GALNT10: variants seen among roughly 807,000 people sequenced by gnomAD.
GALNT10 encodes the protein GalNAc transferase 10.
A neutral mutation model predicts 75.0 loss-of-function variants in GALNT10; 41 were observed. The observed-to-expected ratio is 0.55, with a 90% confidence interval of 0.43 to 0.71. The LOEUF (loss-of-function observed/expected upper bound fraction) is 0.71. GALNT10 is among the 30% of genes least tolerant of loss of function. The pLI is 0.00. For missense variants in GALNT10, 727 were observed against 818.5 expected, an observed-to-expected ratio of 0.89 and a Z score of 1.36; for synonymous variants, 302 against 313.0, an observed-to-expected ratio of 0.96 and a Z score of 0.37.
chr5:154,417,544 G>A lies in GALNT10; in HGVS notation c.*572G>A, dbSNP rs183099425. 4.6e-4 allele frequency: 70 copies of A among 153,820 alleles called. No individual in the cohort carries two copies. Among genetic ancestry groups the A allele is most frequent in the African/African-American group, 1.7e-3 (70 of 41,558 alleles). 9.5% of individuals were successfully genotyped at this position (153,820 alleles called of 1,614,324 possible). A position where few individuals can be genotyped will look rare whatever the true frequency, so the allele number is the denominator to read the frequency against. ...CTCTGTCACAACCCCAGGTGATTTG[G>A]TCCGGTCAAAGGCCATACTTGGGGC... On this transcript the variant is annotated 3_prime_UTR_variant, in exon 12 of 12. Transcript: ENST00000297107.
chr5:154,412,696 C>T lies in GALNT10; in HGVS notation c.1387-193C>T, dbSNP rs1756423042. On this transcript the variant is annotated intron_variant, in intron 9 of 11. Transcript: ENST00000297107. This position sits in a 1 kb window ranked among gnomAD's most constrained non-coding sequence, Gnocchi z 4.2. The stretch of plus-strand genomic sequence containing the variant: ...ACTTACAGCAGTGCTTTAAGGATTA[C>T]ATTCTGTGGACTGAGTCTTCCTTCA... 3.5e-6 allele frequency: 2 copies of T among 574,692 alleles called. No individual in the cohort carries two copies. Among genetic ancestry groups the T allele is most frequent in the South Asian group, 3.7e-5 (2 of 54,232 alleles). 35.6% of individuals were successfully genotyped at this position (574,692 alleles called of 1,614,324 possible).
intron 3 of GALNT10, among the ~76,000 whole-genome samples, chr5:154,309,862 A>G (rs1230070014): frequency 6.6e-6 from 1 of 152,202 alleles, no homozygotes; most frequent in Non-Finnish European, 1.5e-5. Context: ...AAAAATGGAA[A>G]TAGTGACAAG....
At chr5:154,276,923 C>G (rs1251889033) in intron 1 of GALNT10, among the ~76,000 whole-genome samples, 1 of 152,110 alleles carries the variant, frequency 6.6e-6, no homozygotes, top group East Asian at 1.9e-4. Flanking sequence ...GGACAAGATA[C>G]AAACAGTTCT....
chr5:154,324,111 C>A (rs898764210), intron 3 of GALNT10, among the ~76,000 whole-genome samples: 1 of 152,236 alleles, frequency 6.6e-6, no homozygotes, highest in Non-Finnish European at 1.5e-5. Flanking sequence ...TGACTGCATA[C>A]ATTTCTACAC....
At chr5:154,405,918 G>A (rs978571373) in intron 8 of GALNT10, among the ~76,000 whole-genome samples, 5 of 150,052 alleles carry the variant, frequency 3.3e-5, no homozygotes, top group African/African-American at 4.9e-5. Flanking sequence ...AGACATTACC[G>A]CCTCCTGCTT....
chr5:154,275,320 G>A (rs1247586562), intron 1 of GALNT10, among the ~76,000 whole-genome samples: 2 of 152,216 alleles, frequency 1.3e-5, no homozygotes, highest in African/African-American at 2.4e-5. Context: ...ATAGATAGGG[G>A]AATTGAGGAT....
chr5:154,400,921 A>G (rs758298450), intron 7 of GALNT10, among the ~76,000 whole-genome samples: 1 of 152,208 alleles, frequency 6.6e-6, no homozygotes, highest in Non-Finnish European at 1.5e-5. Context: ...CAAAGGACCC[A>G]GGAGTGAAGC....
At position 154,418,475 on chromosome 5, in the gene GALNT10, C is replaced by T. The variant is rs546308852; in HGVS notation, c.*1503C>T. 6.6e-6 allele frequency: 1 copy of T among 152,372 alleles called. No individual in the cohort carries two copies. The highest frequency in any genetic ancestry group is 2.4e-5 in the African/African-American group (1 of 41,584). 9.4% of individuals were successfully genotyped at this position (152,372 alleles called of 1,614,324 possible). ...CCCACTGATTCAGAAATGGAAATCA[C>T]ATTCCACAATCTATGGCTTCCACCA... On this transcript the variant is annotated 3_prime_UTR_variant, in exon 12 of 12. Transcript: ENST00000297107.
chr5:154,241,459 A>G (rs1305340677), intron 1 of GALNT10, among the ~76,000 whole-genome samples: 4 of 152,214 alleles, frequency 2.6e-5, no homozygotes, highest in South Asian at 4.1e-4. Flanking sequence ...TGCATTGCAT[A>G]TATCTGTTCA....
intron 3 of GALNT10, among the ~76,000 whole-genome samples, chr5:154,319,939 G>A (rs1384025146): frequency 1.3e-5 from 2 of 152,308 alleles, no homozygotes; most frequent in East Asian, 3.9e-4. Flanking sequence ...AGCCTAATAA[G>A]AGGCGGAGAA....
intron 5 of GALNT10, among the ~76,000 whole-genome samples, chr5:154,377,510 T>C (rs1020017997): frequency 5.3e-5 from 8 of 152,228 alleles, no homozygotes; most frequent in African/African-American, 1.4e-4. Flanking sequence ...CAATTTCTGA[T>C]CCAGGAGGCC....
At chr5:154,207,956 C>T (rs928523207) in intron 1 of GALNT10, among the ~76,000 whole-genome samples, 2 of 151,996 alleles carry the variant, frequency 1.3e-5, no homozygotes, top group Non-Finnish European at 2.9e-5. Context: ...TGAAAGAGAT[C>T]GGGAGGCCAT....
At chr5:154,379,267 C>T (rs1380655504) in intron 5 of GALNT10, among the ~76,000 whole-genome samples, 1 of 152,224 alleles carries the variant, frequency 6.6e-6, no homozygotes, top group Non-Finnish European at 1.5e-5. Flanking sequence ...TATCCCTTAT[C>T]ACCTGAAATG....
chr5:154,347,505 G>A (rs1314759117), intron 4 of GALNT10, among the ~76,000 whole-genome samples: 4 of 151,820 alleles, frequency 2.6e-5, no homozygotes, highest in African/African-American at 9.7e-5. Context: ...TGGGACTATA[G>A]GCATGCACCA....
At chr5:154,340,988 G>A (rs1439743845) in intron 4 of GALNT10, among the ~76,000 whole-genome samples, 2 of 152,058 alleles carry the variant, frequency 1.3e-5, no homozygotes, top group African/African-American at 4.8e-5. Context: ...TAGTGTTCAT[G>A]GGTATTGAAA....
Position 154,361,984 on chromosome 5 carries a change from C to T in GALNT10, c.569-14293C>T, listed in dbSNP as rs566448712. Reference sequence around the variant, plus strand: ...TGGGTGATGTGGGTCATCTATGGCTCCACCCAGACAGCCATCTGGGTCCCT... The same window carrying T: ...TGGGTGATGTGGGTCATCTATGGCTTCACCCAGACAGCCATCTGGGTCCCT... On this transcript the variant is annotated intron_variant, in intron 4 of 11. Transcript: ENST00000297107. 2.6e-5 allele frequency among the ~76,000 whole-genome samples: 4 copies of T among 152,196 alleles called. No homozygotes were observed. In the East Asian group the frequency reaches 7.7e-4, roughly 29 times the overall value.
chr5:154,325,076 A>C (rs777022041), intron 3 of GALNT10, among the ~76,000 whole-genome samples: 3 of 152,206 alleles, frequency 2.0e-5, no homozygotes, highest in Non-Finnish European at 4.4e-5. Flanking sequence ...AATTATAAAA[A>C]CAAGATTAAG....
intron 4 of GALNT10, among the ~76,000 whole-genome samples, chr5:154,361,130 G>A (rs994553819): frequency 6.6e-6 from 1 of 152,044 alleles, no homozygotes; most frequent in Non-Finnish European, 1.5e-5. Context: ...TGTCCACCCT[G>A]GTGAGCTTCA....
rs13152924 is a variant in GALNT10 at position 154,371,758 on chromosome 5, T to A, written c.569-4519T>A. On this transcript the variant is annotated intron_variant, in intron 4 of 11. Transcript: ENST00000297107. ...TGTTACCTGCCTGCCCCATTCTCCT[T>A]GCATTGGCTCTGAGGAGTCCTTGGG... Among the ~76,000 whole-genome samples, 935 of 152,118 alleles carry A rather than the reference T, an allele frequency of 6.1e-3. 11 individuals are homozygous for A. The highest frequency in any genetic ancestry group is 0.022 in the African/African-American group (909 of 41,432).
Sources: gnomAD v4.1 joint callset for allele counts (sites outside exome capture counted in the v4.1 genomes callset) on GRCh38, gnomAD v4.1.1 for gene constraint, Gnocchi (gnomAD v3.1) non-coding constraint, MANE v1.5 for transcripts, NCBI Gene and HGNC (gene_info 2026-07-23, HGNC 2026-07-21) for gene names.